The following MICAL3 variants were observed in gnomAD, a reference collection of about 807,000 sequenced individuals.
The protein encoded by MICAL3 is [F-actin]-monooxygenase MICAL3.
A neutral mutation model predicts 207.4 loss-of-function variants in MICAL3; 62 were observed. The observed-to-expected ratio is 0.30, with a 90% CI of 0.24 to 0.37. The LOEUF is 0.37. Among genes scored for constraint, MICAL3 ranks in the 10% least tolerant of loss-of-function variants. The pLI, the probability that MICAL3 is intolerant of heterozygous loss-of-function variation, is 1.00. For missense variants in MICAL3, 2,368 were observed against 2,635.6 expected, an observed-to-expected ratio of 0.90 and a Z score of 2.22; for synonymous variants, 1,077 against 1,069.3, an observed-to-expected ratio of 1.01 and a Z score of -0.14.
In MICAL3 at chr22:17,936,549, A is replaced by G. The variant is rs552273108; in HGVS notation, c.-74-29663T>C. Reference sequence around the variant, plus strand: ...CGTATCAAACCTGCATGTTGTGCACATGTACCCTAGAACTTAAAGTATAAT... The same window carrying G: ...CGTATCAAACCTGCATGTTGTGCACGTGTACCCTAGAACTTAAAGTATAAT... On this transcript the variant is annotated intron_variant, in intron 1 of 31. Transcript: ENST00000441493. 1.1e-3 allele frequency among the ~76,000 whole-genome samples: 162 copies of G among 151,974 alleles called. 1 individual carries two copies. The highest frequency in any genetic ancestry group is 4.1e-3 in the Admixed American group (62 of 15,258).
intron 1 of MICAL3, among the ~76,000 whole-genome samples, chr22:17,922,849 T>G (rs141661669): frequency 0.013 from 1,986 of 152,312 alleles, 27 homozygotes; most frequent in Non-Finnish European, 0.017. Context: ...TTTCTTCAAC[T>G]ATTTTCATGG....
At chr22:17,882,040 G>C (rs1283038310) in intron 16 of MICAL3, among the ~76,000 whole-genome samples, 2 of 152,192 alleles carry the variant, frequency 1.3e-5, no homozygotes, top group African/African-American at 2.4e-5. Context: ...GACCCATGGG[G>C]CAGCATGCAG....
intron 19 of MICAL3, among the ~76,000 whole-genome samples, chr22:17,853,005 A>G (rs1447075421): frequency 1.3e-5 from 2 of 151,298 alleles, no homozygotes; most frequent in Non-Finnish European, 2.9e-5. Context: ...AACCTGGGAG[A>G]TGGAGGCTGC....
At chr22:17,988,931 G>A (rs1450561624) in intron 1 of MICAL3, among the ~76,000 whole-genome samples, 1 of 152,166 alleles carries the variant, frequency 6.6e-6, no homozygotes, top group East Asian at 1.9e-4. Context: ...ACAGCAGAGG[G>A]GAGCAGCCGC....
At chr22:17,842,973 T>C (rs1289522851) in intron 19 of MICAL3, among the ~76,000 whole-genome samples, 1 of 151,916 alleles carries the variant, frequency 6.6e-6, no homozygotes, top group Non-Finnish European at 1.5e-5. Flanking sequence ...TACAAAAAAT[T>C]AACCAGGCAC....
intron 1 of MICAL3, among the ~76,000 whole-genome samples, chr22:17,998,222 C>T (rs539000358): frequency 2.6e-5 from 4 of 152,190 alleles, no homozygotes; most frequent in East Asian, 1.9e-4. Flanking sequence ...AAGAATCGCT[C>T]GAACCCAGGA....
chr22:17,805,442 A>C (rs1263267318), intron 29 of MICAL3, among the ~76,000 whole-genome samples: 1 of 152,254 alleles, frequency 6.6e-6, no homozygotes, highest in Non-Finnish European at 1.5e-5. Context: ...TATGGTAGGA[A>C]CCATAATTCC....
chr22:17,871,850 G>A lies in MICAL3; in HGVS notation c.2415C>T (p.Tyr805=), dbSNP rs756967174. 18 of 1,606,516 alleles carry A rather than the reference G, an allele frequency of 1.1e-5. No individual in the cohort carries two copies. The highest frequency in any genetic ancestry group is 1.6e-4 in the Middle Eastern group (1 of 6,072). ...AGGGTGTCTCACCATCCTCGATGTC[G>A]TAGGCGTAGGCCGAGAGGCGCAGGG... The part of the protein sequence containing the change: ...ATTLRLSAYA[Y]DIEDGKFYCK... The change falls in exon 17 of 32, where the codon TAC becomes TAT. Residue 805 remains tyrosine (Y), a synonymous_variant. Transcript: ENST00000441493.
chr22:17,925,936 A>C (rs913505993), intron 1 of MICAL3, among the ~76,000 whole-genome samples: 2 of 152,194 alleles, frequency 1.3e-5, no homozygotes, highest in African/African-American at 4.8e-5. Flanking sequence ...TCCCAAACCC[A>C]AACATTTTCT....
chr22:17,849,913 G>A lies in MICAL3; in HGVS notation c.2606-7896C>T, dbSNP rs539324055. Among the ~76,000 whole-genome samples, 23 of 151,678 alleles carry A rather than the reference G, an allele frequency of 1.5e-4. No homozygotes were observed. The East Asian group carries it at 3.5e-3, about 23-fold the overall frequency. ...TCACTATGTTGGCCAGGCTGGTCTC[G>A]AACTCCTGACCTCGTGATCCGCCCG... On this transcript the variant is annotated intron_variant, in intron 19 of 31. Transcript: ENST00000441493.
At chr22:17,877,117 G>GGGAAGTTAT (rs1928663160) in intron 16 of MICAL3, among the ~76,000 whole-genome samples, 6 of 108,698 alleles carry the variant, frequency 5.5e-5, no homozygotes, top group African/African-American at 2.2e-4. Flanking sequence ...ATGGAGGTTA[G>GGGAAGTTAT]GGAGGTTATG....
chr22:17,858,974 T>C (rs569372990), intron 19 of MICAL3, among the ~76,000 whole-genome samples: 1 of 152,154 alleles, frequency 6.6e-6, no homozygotes, highest in Non-Finnish European at 1.5e-5. Context: ...GCCCCCCACA[T>C]CCCAATTCCT....
intron 1 of MICAL3, among the ~76,000 whole-genome samples, chr22:17,958,180 A>T (rs770716268): frequency 6.6e-6 from 1 of 152,176 alleles, no homozygotes; most frequent in Non-Finnish European, 1.5e-5. Flanking sequence ...CTTATCTTCT[A>T]CTACCTCCTG....
intron 16 of MICAL3, among the ~76,000 whole-genome samples, 158 bp from the exon 17 acceptor site, chr22:17,872,181 C>T (rs770305435): frequency 2.6e-5 from 4 of 152,240 alleles, no homozygotes; most frequent in Non-Finnish European, 4.4e-5. Context: ...GCTCTTGGCT[C>T]TGCCACAGAG....
intron 27 of MICAL3, among the ~76,000 whole-genome samples, chr22:17,811,869 CGA>C (rs1233402658): frequency 6.6e-6 from 1 of 152,154 alleles, no homozygotes; most frequent in Non-Finnish European, 1.5e-5. Context: ...CTCAGCCTCC[CGA>C]GTAGTCAGGA....
In MICAL3 at chr22:17,871,934, C is replaced by G; in HGVS notation, c.2331G>C (p.Leu777=). Residue 777 remains leucine, a synonymous_variant, in exon 17 of 32, where the codon CTG becomes CTC. Transcript: ENST00000441493. ...GGTGGAAGAACTTGCCCTCGGCACT[C>G]AGCCTCTCCATCACGTAGACCCGCT... ...CQKRVYVMER[L]SAEGKFFHRS... is the part of the protein sequence containing the mutation. 1 of 1,611,336 alleles carries G rather than the reference C, an allele frequency of 6.2e-7. No homozygotes were observed. The highest frequency in any genetic ancestry group is 8.5e-7 in the Non-Finnish European group (1 of 1,178,960).
intron 7 of MICAL3, among the ~76,000 whole-genome samples, chr22:17,897,755 A>C (rs562374128): frequency 1.6e-4 from 24 of 152,346 alleles, no homozygotes; most frequent in African/African-American, 5.3e-4. Context: ...AGGTGGGAGC[A>C]ATGGTAGTCC....
chr22:17,902,843 C>T lies in MICAL3; in HGVS notation c.473-96G>A, dbSNP rs1931434288. 5 of 701,014 alleles carry T rather than the reference C, an allele frequency of 7.1e-6. No individual in the cohort carries two copies. The East Asian group carries it at 1.4e-4, about 20-fold the overall frequency. The allele number at this position is 701,014 out of a possible 1,614,324, so 43.4% of individuals were successfully genotyped here. On this transcript the variant is annotated intron_variant, in intron 3 of 31. Coordinates refer to ENST00000441493, the MANE Select transcript of MICAL3 (RefSeq NM_015241.3). This position sits in a 1 kb window ranked among gnomAD's most constrained non-coding sequence, Gnocchi z 4.5. ...GGCTCCCACCCCGCCACCTACGCCC[C>T]CTTCATTCAGATTCCCAAAGCCTGC...
intron 1 of MICAL3, among the ~76,000 whole-genome samples, chr22:17,925,100 A>C (rs117611280): frequency 0.02 from 3,088 of 152,322 alleles, 45 homozygotes; most frequent in Non-Finnish European, 0.029. Flanking sequence ...GCCAGAAACC[A>C]AAATGGGCTT....
Sources: allele counts gnomAD v4.1 joint callset (sites outside exome capture counted in the v4.1 genomes callset), GRCh38; gene constraint gnomAD v4.1.1; non-coding constraint Gnocchi (gnomAD v3.1); transcripts MANE v1.5; gene names NCBI Gene and HGNC (gene_info 2026-07-23, HGNC 2026-07-21).